ITSN2: variants seen among roughly 807,000 people sequenced by gnomAD.
ITSN2 encodes intersectin-2.
A neutral mutation model predicts 243.7 loss-of-function variants in ITSN2; 156 were observed. The ratio of observed to expected loss-of-function variants is 0.64; its 90% CI spans 0.56 to 0.73. The LOEUF is 0.73. ITSN2 is among the 30% of genes least tolerant of loss of function. The pLI is 0.00. For synonymous variants in ITSN2, 703 were observed against 699.9 expected (o/e 1.00, Z -0.07); for missense variants, 1,801 against 1,996.1 (o/e 0.90, Z 1.86).
At chr2:24,234,109 T>C (rs1671879007) in intron 29 of ITSN2, among the ~76,000 whole-genome samples, 1 of 152,058 alleles carries the variant, frequency 6.6e-6, no homozygotes, top group African/African-American at 2.4e-5. Flanking sequence ...CAAGCCAGTG[T>C]GATACTGGCC....
chr2:24,271,147 A>AG (rs1368586036), intron 19 of ITSN2, among the ~76,000 whole-genome samples: 8 of 152,266 alleles, frequency 5.3e-5, no homozygotes, highest in East Asian at 1.9e-4. Flanking sequence ...AAGGACAAAA[A>AG]GGGGGGTCTC....
intron 15 of ITSN2, among the ~76,000 whole-genome samples, chr2:24,291,468 G>C (rs1263653605): frequency 4.7e-5 from 7 of 148,950 alleles, no homozygotes; most frequent in African/African-American, 1.7e-4. Context: ...AAGTGTTATA[G>C]CTGCATATTT....
At chr2:24,295,437 G>C (rs1680826255) in intron 14 of ITSN2, among the ~76,000 whole-genome samples, 1 of 152,296 alleles carries the variant, frequency 6.6e-6, no homozygotes, top group South Asian at 2.1e-4. Flanking sequence ...CTCCCGAGTT[G>C]CTGGGATTAC....
At chr2:24,205,655 C>T (rs1668789845) in intron 37 of ITSN2, 3 of 257,018 alleles carry the variant, frequency 1.2e-5, no homozygotes, top group African/African-American at 6.5e-5. Context: ...ATGTCTGTCT[C>T]CTCTGCCAGA....
rs1670407887 is a variant in ITSN2, at chr2:24,221,095, ATTACT to A, written c.3578-34_3578-30del. ...TGGAAAAAACAGGGTAGTTTAAAATATTACTTTAGTCAACTTTGTAGAAAATAGAC... is the reference window on the plus strand; with the variant it reads ...TGGAAAAAACAGGGTAGTTTAAAATATTAGTCAACTTTGTAGAAAATAGAC... On this transcript the variant is annotated intron_variant, in intron 29 of 39. Transcript: ENST00000355123. The A allele has an allele frequency of 2.5e-6, 4 of 1,592,356 alleles. No homozygotes were observed. The East Asian group carries it at 9.1e-5, about 36-fold the overall frequency.
Position 24,216,056 on chromosome 2 carries a change from A to T in ITSN2, c.3983T>A (p.Phe1328Tyr). 6.3e-7 allele frequency: 1 copy of T among 1,593,568 alleles called. No homozygotes were observed. Among genetic ancestry groups the T allele is most frequent in the Non-Finnish European group, 8.6e-7 (1 of 1,169,090 alleles). The change falls in exon 32 of 40, where the codon TTT becomes TAT. Residue 1328 changes from phenylalanine to tyrosine, a missense_variant. Physicochemically the swap from Phe to Tyr is conservative, Grantham distance 22. Coordinates refer to ENST00000355123, the MANE Select transcript of ITSN2 (RefSeq NM_006277.3). Reference sequence around the variant, plus strand: ...GGCCCAGAATGGAATTACCTTTAAAAATTCTTTGAAATCTGTGTCTTCATC... The same window carrying T: ...GGCCCAGAATGGAATTACCTTTAAATATTCTTTGAAATCTGTGTCTTCATC... ...KTDEDTDFKE[F>Y]LKKLASDPRC...
chr2:24,331,420 T>C (rs1225426670), intron 1 of ITSN2, among the ~76,000 whole-genome samples: 2 of 151,888 alleles, frequency 1.3e-5, no homozygotes, highest in African/African-American at 2.4e-5. Context: ...GAACACTTCA[T>C]TGTTGTTTTT....
At chr2:24,279,490 A>G (rs1305929656) in intron 17 of ITSN2, among the ~76,000 whole-genome samples, 6 of 152,212 alleles carry the variant, frequency 3.9e-5, no homozygotes, top group Non-Finnish European at 5.9e-5. Context: ...ATATTCGTAT[A>G]TAAGAGTTTA....
At chr2:24,335,964 G>A (rs566770746) in intron 1 of ITSN2, among the ~76,000 whole-genome samples, 28 of 151,648 alleles carry the variant, frequency 1.8e-4, no homozygotes, top group African/African-American at 4.6e-4. Context: ...TCCCTTGGCC[G>A]GGCATGGTGG....
At chr2:24,352,262 C>A (rs1326016110) in intron 1 of ITSN2, among the ~76,000 whole-genome samples, 1 of 152,164 alleles carries the variant, frequency 6.6e-6, no homozygotes, top group Non-Finnish European at 1.5e-5. Flanking sequence ...GTCTGGAAAA[C>A]ATCTGGCACA....
chr2:24,286,459 A>T, intron 15 of ITSN2, 108 bp from the exon 16 acceptor site: 2 of 846,630 alleles, frequency 2.4e-6, no homozygotes, highest in Non-Finnish European at 3.9e-6. Flanking sequence ...AATACGAAGG[A>T]TGTATACACA....
At chr2:24,338,195 G>C (rs1380796670) in intron 1 of ITSN2, among the ~76,000 whole-genome samples, 4 of 152,106 alleles carry the variant, frequency 2.6e-5, no homozygotes, top group Non-Finnish European at 5.9e-5. Context: ...TAAAACTTTA[G>C]TGTTTATAAC....
At chr2:24,222,620 T>C (rs1393719183) in intron 29 of ITSN2, among the ~76,000 whole-genome samples, 1 of 151,936 alleles carries the variant, frequency 6.6e-6, no homozygotes, top group East Asian at 1.9e-4. Context: ...TCTCTGAATA[T>C]GCACCTGTTG....
At chr2:24,334,367 G>T in intron 1 of ITSN2, 2 of 346,096 alleles carry the variant, frequency 5.8e-6, no homozygotes, top group Middle Eastern at 9.7e-4. Flanking sequence ...CCTGATTTTT[G>T]TATTTTTAGT....
Position 24,248,971 on chromosome 2 carries a change from T to C in ITSN2, c.3121-89A>G, listed in dbSNP as rs897020245. 4.1e-6 allele frequency: 5 copies of C among 1,226,166 alleles called. No homozygotes were observed. In the African/African-American group the frequency reaches 6.1e-5, roughly 15 times the overall value. The allele number at this position is 1,226,166 out of a possible 1,614,324, so 76.0% of individuals were successfully genotyped here. ...GTTAATGGGAATTAGAGATTTCAAATTCCCAGGATTCTTTTCTCTTTAAAT... is the reference window on the plus strand; with the variant it reads ...GTTAATGGGAATTAGAGATTTCAAACTCCCAGGATTCTTTTCTCTTTAAAT... On this transcript the variant is annotated intron_variant, in intron 25 of 39. Coordinates refer to ENST00000355123, the MANE Select transcript of ITSN2 (RefSeq NM_006277.3).
chr2:24,300,112 G>C lies in ITSN2; in HGVS notation c.1141C>G (p.Arg381Gly), dbSNP rs1178652700. The C allele has an allele frequency of 5.0e-6, 8 of 1,613,992 alleles. No individual in the cohort carries two copies. The highest frequency in any genetic ancestry group is 1.3e-5 in the African/African-American group (1 of 74,972). Residue 381 changes from arginine to glycine, a missense_variant, in exon 12 of 40, where the codon CGA becomes GGA. Physicochemically the swap from Arg to Gly is moderately radical, Grantham distance 125 (BLOSUM62 -2). This residue lies in a region of ITSN2 where 787 missense variants were observed against 803.9 expected (regional missense o/e 0.98). Transcript: ENST00000355123. Reference sequence around the variant, plus strand: ...TGCTGCTCCATCAAGGCTTGGCGTCGCTTTTCCAGCTCCATGTTCCCTCGC... The same window carrying C: ...TGCTGCTCCATCAAGGCTTGGCGTCCCTTTTCCAGCTCCATGTTCCCTCGC... ...YERGNMELEK[R>G]RQALMEQQQR...
At chr2:24,227,333 A>C (rs1225494940) in intron 29 of ITSN2, among the ~76,000 whole-genome samples, 1 of 151,882 alleles carries the variant, frequency 6.6e-6, no homozygotes, top group African/African-American at 2.4e-5. Context: ...AAAATCCACC[A>C]TAAATTGAAA....
At chr2:24,357,586 T>C (rs77209191) in intron 1 of ITSN2, among the ~76,000 whole-genome samples, 1 of 151,732 alleles carries the variant, frequency 6.6e-6, no homozygotes. Flanking sequence ...ATATATCCTG[T>C]TTTTTTTGTA....
At chr2:24,361,212 C>G (rs144033583), upstream of ITSN2, among the ~76,000 whole-genome samples, 273 of 152,270 alleles carry the variant, frequency 1.8e-3, 2 homozygotes, top group Admixed American at 4.0e-3. Flanking sequence ...CATAGCACGA[C>G]GAAGCTAAAC....
Sources: allele counts gnomAD v4.1 joint callset (sites outside exome capture counted in the v4.1 genomes callset), GRCh38; gene constraint gnomAD v4.1.1; regional missense constraint gnomAD v4.1.1; transcripts MANE v1.5; gene names NCBI Gene and HGNC (gene_info 2026-07-23, HGNC 2026-07-21).